ZBBX: variants seen among roughly 807,000 people sequenced by gnomAD.
The protein encoded by ZBBX is zinc finger B-box domain-containing protein 1.
In ZBBX, 101 loss-of-function variants were observed where a neutral mutation model predicts 108.5. That is an observed-to-expected ratio of 0.93 (90% confidence interval 0.79 to 1.10). The LOEUF is 1.10. Among genes scored for constraint, ZBBX ranks in the 50% least tolerant of loss-of-function variants. The pLI, the probability that ZBBX is intolerant of heterozygous loss-of-function variation, is 0.00. For missense variants in ZBBX, 1,009 were observed against 941.4 expected, an observed-to-expected ratio of 1.07 and a Z score of -0.94; for synonymous variants, 356 against 323.4, an observed-to-expected ratio of 1.10 and a Z score of -1.08.
At chr3:167,381,763 G>T (rs1387222695), upstream of ZBBX, among the ~76,000 whole-genome samples, 1 of 152,134 alleles carries the variant, frequency 6.6e-6, no homozygotes, top group Non-Finnish European at 1.5e-5. Flanking sequence ...AAATACTGGA[G>T]TGAAGAAATC....
chr3:167,392,973 T>C (rs541279661), intron 1 of ZBBX: 1 of 151,998 alleles, frequency 6.6e-6, no homozygotes, highest in East Asian at 1.9e-4. Context: ...AGCCATGGGA[T>C]GGAATGAGGA....
chr3:167,194,891 A>G, the ZBBX span, among the ~76,000 whole-genome samples: 530 of 152,318 alleles, frequency 3.5e-3, 4 homozygotes, highest in African/African-American at 0.012. Flanking sequence ...CCCAAGGCTC[A>G]GTGTATTCTC....
intron 12 of ZBBX, among the ~76,000 whole-genome samples, chr3:167,319,427 G>C (rs1168081462): frequency 6.6e-6 from 1 of 151,884 alleles, no homozygotes; most frequent in African/African-American, 2.4e-5. Flanking sequence ...TTTTGTGGGG[G>C]CAGGGGTACT....
At chr3:167,339,828 C>T (rs982690319) in intron 9 of ZBBX, among the ~76,000 whole-genome samples, 7 of 152,024 alleles carry the variant, frequency 4.6e-5, no homozygotes, top group East Asian at 1.9e-4. Flanking sequence ...TTGCCTCTCA[C>T]GCGTCGAAAG....
At chr3:167,192,607 T>C in the ZBBX span, among the ~76,000 whole-genome samples, 1 of 152,210 alleles carries the variant, frequency 6.6e-6, no homozygotes, top group African/African-American at 2.4e-5. Flanking sequence ...CCAATAATTC[T>C]TAGATTTGCA....
rs1439055340 is a variant in ZBBX at position 167,350,466 on chromosome 3, A to T, written c.482T>A (p.Val161Asp). Residue 161 changes from valine to aspartate, a missense_variant, in exon 9 of 22, where the codon GTT (valine) becomes GAT (aspartate). Coordinates refer to ENST00000675490, the MANE Select transcript of ZBBX (RefSeq NM_001199201.2). ...GAGCTTTAGTGCCCCTTTCTGGTGAACTTTAGCAAAGCATCCTGAACAATA... is the reference window on the plus strand; with the variant it reads ...GAGCTTTAGTGCCCCTTTCTGGTGATCTTTAGCAAAGCATCCTGAACAATA... ...EDYCSGCFAK[V>D]HQKGALKLHR... 2 of 1,598,598 alleles carry T rather than the reference A, an allele frequency of 1.3e-6. No individual in the cohort carries two copies. Among genetic ancestry groups the T allele is most frequent in the Non-Finnish European group, 1.7e-6 (2 of 1,170,392 alleles).
rs1346557705 is a variant in ZBBX, at chr3:167,373,747, T to C, written c.-91A>G. 6.6e-6 allele frequency: 1 copy of C among 152,180 alleles called. No homozygotes were observed. The highest frequency in any genetic ancestry group is 1.5e-5 in the Non-Finnish European group (1 of 68,034). 9.4% of individuals were successfully genotyped at this position (152,180 alleles called of 1,614,324 possible). A position where few individuals can be genotyped will look rare whatever the true frequency, so the allele number is the denominator to read the frequency against. On this transcript the variant is annotated 5_prime_UTR_variant, in exon 3 of 22. It removes an upstream start codon present in the reference 5' UTR. Coordinates refer to ENST00000675490, the MANE Select transcript of ZBBX (RefSeq NM_001199201.2). The stretch of plus-strand genomic sequence containing the variant: ...GTGAATCATGATCAGGGGCTTCACA[T>C]TGAGCAGGCTGAGGAAGACGAAGAT...
chr3:167,317,667 G>C (rs1049749341), intron 12 of ZBBX, 70 bp from the exon 13 acceptor site: 11 of 986,322 alleles, frequency 1.1e-5, no homozygotes, highest in African/African-American at 1.7e-5. Flanking sequence ...ACAAGCTCTT[G>C]ATTTATTTAT....
downstream of ZBBX, among the ~76,000 whole-genome samples, chr3:167,239,319 T>C (rs1352611910): frequency 1.3e-5 from 2 of 152,112 alleles, no homozygotes; most frequent in African/African-American, 4.8e-5. Flanking sequence ...AAAAATACTC[T>C]CACAGAAACA....
At chr3:167,208,365 C>T in the ZBBX span, among the ~76,000 whole-genome samples, 1 of 152,182 alleles carries the variant, frequency 6.6e-6, no homozygotes, top group East Asian at 1.9e-4. Context: ...CCTTCTCCTC[C>T]AACAAATGTC....
chr3:167,390,378 T>C (rs145542934), intron 1 of ZBBX, among the ~76,000 whole-genome samples: 113 of 152,180 alleles, frequency 7.4e-4, no homozygotes, highest in African/African-American at 2.6e-3. Flanking sequence ...CTTTGTAGTA[T>C]ACCATAGACT....
At chr3:167,325,190 A>T (rs1256367801) in intron 11 of ZBBX, among the ~76,000 whole-genome samples, 1 of 152,134 alleles carries the variant, frequency 6.6e-6, no homozygotes, top group Non-Finnish European at 1.5e-5. Context: ...TGCTATTTTC[A>T]CTTGGCATAT....
chr3:167,402,744 A>G (rs1387909077), intron 1 of ZBBX, among the ~76,000 whole-genome samples: 1 of 151,708 alleles, frequency 6.6e-6, no homozygotes, highest in Non-Finnish European at 1.5e-5. Context: ...AATAAGTAAG[A>G]AAAATTAGTT....
At chr3:167,309,751 C>T (rs935106005) in intron 16 of ZBBX, among the ~76,000 whole-genome samples, 8 of 152,196 alleles carry the variant, frequency 5.3e-5, no homozygotes, top group African/African-American at 1.9e-4. Context: ...GGAGGGGATG[C>T]TGTGAGGATC....
At chr3:167,382,789 T>A (rs2108633129), upstream of ZBBX, among the ~76,000 whole-genome samples, 1 of 152,290 alleles carries the variant, frequency 6.6e-6, no homozygotes, top group South Asian at 2.1e-4. Context: ...CTCTGTGTAA[T>A]GTTGTATGTT....
At chr3:167,297,880 C>T (rs944844563) in intron 18 of ZBBX, among the ~76,000 whole-genome samples, 2 of 151,804 alleles carry the variant, frequency 1.3e-5, no homozygotes, top group East Asian at 3.9e-4. Flanking sequence ...CCCGACCCCA[C>T]CAAAAAAATA....
chr3:167,395,322 G>C (rs1175912970), intron 1 of ZBBX, among the ~76,000 whole-genome samples: 1 of 151,974 alleles, frequency 6.6e-6, no homozygotes, highest in Admixed American at 6.6e-5. Flanking sequence ...ACAGTTATAG[G>C]TTCTGGTACT....
At chr3:167,356,477 C>A (rs1560175576) in intron 8 of ZBBX, among the ~76,000 whole-genome samples, 1 of 152,020 alleles carries the variant, frequency 6.6e-6, no homozygotes, top group Non-Finnish European at 1.5e-5. Flanking sequence ...GCTAAGTTCT[C>A]TAAAACTGTA....
intron 20 of ZBBX, among the ~76,000 whole-genome samples, chr3:167,257,364 T>C (rs899672943): frequency 2.0e-5 from 3 of 152,160 alleles, no homozygotes; most frequent in African/African-American, 7.2e-5. Flanking sequence ...ACAAGGATTA[T>C]TTAATTTCTT....
Sources: allele counts gnomAD v4.1 joint callset (sites outside exome capture counted in the v4.1 genomes callset), GRCh38; gene constraint gnomAD v4.1.1; transcripts MANE v1.5; gene names NCBI Gene and HGNC (gene_info 2026-07-23, HGNC 2026-07-21).